The following MGAT4C variants were observed in gnomAD, a reference collection of about 807,000 sequenced individuals.
MGAT4C encodes alpha-1,3-mannosyl-glycoprotein 4-beta-N-acetylglucosaminyltransferase C.
MGAT4C carries 19 observed loss-of-function variants against 40.1 expected under a neutral mutation model. The observed-to-expected ratio is 0.47, with a 90% CI of 0.33 to 0.70. The LOEUF (loss-of-function observed/expected upper bound fraction) is 0.70, where lower values mean the gene tolerates loss of function less well. Ranked by LOEUF, MGAT4C falls within the 30% of genes least tolerant of loss-of-function variation. The pLI is 0.02. For synonymous variants in MGAT4C, 181 were observed against 187.1 expected, an observed-to-expected ratio of 0.97 and a Z score of 0.27; for missense variants, 491 against 563.2, an observed-to-expected ratio of 0.87 and a Z score of 1.30.
At chr12:85,981,455 A>T (rs1235639183) in intron 4 of MGAT4C, among the ~76,000 whole-genome samples, 1 of 152,168 alleles carries the variant, frequency 6.6e-6, no homozygotes, top group Admixed American at 6.5e-5. Flanking sequence ...CCATTCCAAA[A>T]ACAGTTTGTC....
At chr12:86,161,970 C>A (rs894078329) in intron 1 of MGAT4C, among the ~76,000 whole-genome samples, 1 of 151,932 alleles carries the variant, frequency 6.6e-6, no homozygotes, top group Admixed American at 6.6e-5. Flanking sequence ...CCAGTCAGAA[C>A]AGCTATTATT....
chr12:86,382,875 A>G (rs1182069832), intron 3 of MGAT4C, among the ~76,000 whole-genome samples: 1 of 152,166 alleles, frequency 6.6e-6, no homozygotes, highest in Admixed American at 6.5e-5. Flanking sequence ...TTTCAGATTT[A>G]TGGAAATGCC....
intron 2 of MGAT4C, among the ~76,000 whole-genome samples, chr12:86,600,008 C>T (rs1961705109): frequency 6.6e-6 from 1 of 151,358 alleles, no homozygotes; most frequent in Non-Finnish European, 1.5e-5. Flanking sequence ...ACAAAGTAAA[C>T]AATTTCACAG....
rs1243230717 is a variant in MGAT4C, at chr12:85,965,525, AG to A, written c.*13763del. On this transcript the variant is annotated 3_prime_UTR_variant, in exon 5 of 5. Coordinates refer to ENST00000611864, the MANE Select transcript of MGAT4C (RefSeq NM_001351288.2). ...GGCAGGAGAATGGCGTGACCCCAGG[AG>A]GTGGAACTTGCAGTGAGCGGAGATA... is the stretch of plus-strand genomic sequence containing the variant. 1.5e-5 allele frequency: 2 copies of A among 137,060 alleles called. No homozygotes were observed. The highest frequency in any genetic ancestry group is 2.7e-5 in the African/African-American group (1 of 36,520). 8.5% of individuals were successfully genotyped at this position (137,060 alleles called of 1,614,324 possible). A position where few individuals can be genotyped will look rare whatever the true frequency, so the allele number is the denominator to read the frequency against.
chr12:86,794,367 AT>A (rs1306599120), intron 1 of MGAT4C, among the ~76,000 whole-genome samples: 2 of 151,688 alleles, frequency 1.3e-5, no homozygotes, highest in Non-Finnish European at 3.0e-5. Context: ...TTTTAGAAAT[AT>A]TTTATTTTAT....
upstream of MGAT4C, among the ~76,000 whole-genome samples, chr12:86,260,263 C>T (rs1952632329): frequency 6.6e-6 from 1 of 152,062 alleles, no homozygotes; most frequent in Admixed American, 6.5e-5. Context: ...TGGCTCCCAC[C>T]CACCTTTTAT....
chr12:86,613,801 G>A (rs1304586469), intron 2 of MGAT4C, among the ~76,000 whole-genome samples: 2 of 151,932 alleles, frequency 1.3e-5, no homozygotes, highest in African/African-American at 4.8e-5. Context: ...AACACAGAAA[G>A]TAAGATTACA....
intron 1 of MGAT4C, among the ~76,000 whole-genome samples, chr12:86,238,403 C>T (rs1951642468): frequency 6.6e-6 from 1 of 151,888 alleles, no homozygotes; most frequent in Non-Finnish European, 1.5e-5. Context: ...ATCAAGTTTA[C>T]AAAATCATAA....
At chr12:86,497,828 T>G (rs7963659) in intron 2 of MGAT4C, among the ~76,000 whole-genome samples, 95,934 of 147,312 alleles carry the variant, frequency 0.65, 32,010 homozygotes, top group South Asian at 0.79. Context: ...CTATGCAAAT[T>G]CTTTTTCTCA....
intron 2 of MGAT4C, among the ~76,000 whole-genome samples, chr12:86,460,134 G>C (rs559721736): frequency 3.0e-4 from 45 of 152,040 alleles, no homozygotes; most frequent in Non-Finnish European, 5.7e-4. Context: ...GATTGCTTGA[G>C]CCCATGAGTT....
chr12:86,088,986 CAT>C (rs373672302), intron 1 of MGAT4C, among the ~76,000 whole-genome samples: 2 of 151,934 alleles, frequency 1.3e-5, no homozygotes, highest in African/African-American at 2.4e-5. Flanking sequence ...TAAGCCATTT[CAT>C]ATGTTTCATG....
intron 2 of MGAT4C, among the ~76,000 whole-genome samples, chr12:86,047,121 T>G (rs1315518434): frequency 6.6e-6 from 1 of 152,116 alleles, no homozygotes; most frequent in Non-Finnish European, 1.5e-5. Flanking sequence ...CTCAAGAAAC[T>G]GATATTCTGA....
chr12:86,363,892 G>A (rs1955534738), intron 3 of MGAT4C, among the ~76,000 whole-genome samples: 1 of 151,586 alleles, frequency 6.6e-6, no homozygotes, highest in African/African-American at 2.4e-5. Flanking sequence ...ATGCCTATAA[G>A]TTCAACAACT....
intron 2 of MGAT4C, among the ~76,000 whole-genome samples, chr12:86,651,042 A>C (rs1963681942): frequency 6.6e-6 from 1 of 151,958 alleles, no homozygotes; most frequent in Non-Finnish European, 1.5e-5. Context: ...GCTGCTCAGT[A>C]GGTGAGCAAG....
chr12:86,202,590 C>T (rs1950091910), intron 1 of MGAT4C, among the ~76,000 whole-genome samples: 1 of 151,980 alleles, frequency 6.6e-6, no homozygotes, highest in Admixed American at 6.6e-5. Flanking sequence ...GCCATTGTTA[C>T]TTTTAATATT....
rs145060039 is a variant in MGAT4C, at chr12:86,682,737, G to A, written c.-229+44472C>T. Among the ~76,000 whole-genome samples the A allele has an allele frequency of 3.3e-3, 496 of 152,140 alleles. 3 individuals carry two copies. Among genetic ancestry groups the A allele is most frequent in the African/African-American group, 0.011 (475 of 41,532 alleles). On this transcript the variant is annotated intron_variant, in intron 2 of 7. Coordinates refer to the MGAT4C transcript ENST00000548651. ...CTTGCAGACACCACAGAGAATAAATGATTCCACAGCCCATGGCCTTCAAGG... is the reference window on the plus strand; with the variant it reads ...CTTGCAGACACCACAGAGAATAAATAATTCCACAGCCCATGGCCTTCAAGG...
chr12:86,514,386 T>C (rs1241674178), intron 2 of MGAT4C, among the ~76,000 whole-genome samples: 2 of 152,154 alleles, frequency 1.3e-5, no homozygotes, highest in Non-Finnish European at 2.9e-5. Flanking sequence ...ACGAGTTTAT[T>C]ATATGTCTAA....
intron 3 of MGAT4C, among the ~76,000 whole-genome samples, chr12:86,432,653 G>C (rs1480430112): frequency 6.6e-6 from 1 of 151,946 alleles, no homozygotes; most frequent in African/African-American, 2.4e-5. Context: ...TAAATAATCT[G>C]TATCTTCTCA....
At chr12:86,537,600 T>G (rs1433283040) in intron 2 of MGAT4C, among the ~76,000 whole-genome samples, 1 of 152,170 alleles carries the variant, frequency 6.6e-6, no homozygotes, top group Non-Finnish European at 1.5e-5. Flanking sequence ...CATTTCTCAC[T>G]TGATTGTCCT....
Sources: allele counts gnomAD v4.1 joint callset (sites outside exome capture counted in the v4.1 genomes callset), GRCh38; gene constraint gnomAD v4.1.1; transcripts MANE v1.5; gene names NCBI Gene and HGNC (gene_info 2026-07-23, HGNC 2026-07-21).